Variants in EIF3B observed in about 807,000 individuals in gnomAD.
EIF3B encodes the protein eukaryotic translation initiation factor 3 subunit B.
EIF3B carries 10 observed loss-of-function variants against 104.6 expected under a neutral mutation model. The observed-to-expected ratio is 0.10, with a 90% CI of 0.06 to 0.16. The LOEUF is 0.16. EIF3B is among the 10% of genes least tolerant of loss of function. The pLI, the probability that EIF3B is intolerant of heterozygous loss-of-function variation, is 1.00. For missense variants in EIF3B, 1,014 were observed against 1,087.9 expected, an observed-to-expected ratio of 0.93 and a Z score of 0.96; for synonymous variants, 542 against 417.2, an observed-to-expected ratio of 1.30 and a Z score of -3.65.
chr7:2,365,972 C>T (rs1780003614), intron 6 of EIF3B, among the ~76,000 whole-genome samples: 1 of 152,154 alleles, frequency 6.6e-6, no homozygotes, highest in African/African-American at 2.4e-5. Flanking sequence ...AGGTGTGAGC[C>T]ACTGCGCCCA....
intron 13 of EIF3B, 138 bp downstream of exon 13, chr7:2,374,744 G>A: frequency 1.4e-6 from 1 of 737,098 alleles, no homozygotes; most frequent in Non-Finnish European, 2.2e-6. Flanking sequence ...TCAGTGGATA[G>A]GACTTCATTG....
chr7:2,356,411 C>T (rs560317204), intron 1 of EIF3B, among the ~76,000 whole-genome samples: 5 of 152,050 alleles, frequency 3.3e-5, no homozygotes, highest in East Asian at 1.9e-4. Flanking sequence ...ACCATCCTGG[C>T]TAACACGGTG....
rs746616040 is a variant in EIF3B, at chr7:2,371,757, T to G, written c.1615-20T>G. On this transcript the variant is annotated intron_variant, in intron 10 of 18. Coordinates refer to ENST00000360876, the MANE Select transcript of EIF3B (RefSeq NM_001037283.2). ...TTTCACTGTCCAGAATGTCACCCCT[T>G]CCCCCTTTTTTTTAAACAGGGTGTT... 5.7e-6 allele frequency: 9 copies of G among 1,579,574 alleles called. No individual in the cohort carries two copies. In the African/African-American group the frequency reaches 1.1e-4, roughly 19 times the overall value.
Position 2,369,466 on chromosome 7 carries a change from C to T in EIF3B, c.1404-6C>T, listed in dbSNP as rs777778913. The T allele has an allele frequency of 6.2e-7, 1 of 1,613,990 alleles. No homozygotes were observed. Among genetic ancestry groups the T allele is most frequent in the South Asian group, 1.1e-5 (1 of 91,074 alleles). The stretch of plus-strand genomic sequence containing the variant: ...TGCTTTAACATTTTATTTTCCTGTT[C>T]TGCAGAGACTTTTCTTGGTCTCCTG... On this transcript the variant is annotated splice_region_variant and splice_polypyrimidine_tract_variant and intron_variant, in intron 9 of 18. Transcript: ENST00000360876.
At chr7:2,371,533 G>A (rs1196842370) in intron 10 of EIF3B, among the ~76,000 whole-genome samples, 1 of 152,180 alleles carries the variant, frequency 6.6e-6, no homozygotes, top group Non-Finnish European at 1.5e-5. Context: ...GCTCCTGGAG[G>A]TGGGATCTGG....
At chr7:2,356,892 G>A (rs1323602908) in intron 1 of EIF3B, among the ~76,000 whole-genome samples, 1 of 152,010 alleles carries the variant, frequency 6.6e-6, no homozygotes, top group African/African-American at 2.4e-5. Context: ...ATGAAAAGCA[G>A]GAAGGACACC....
intron 10 of EIF3B, among the ~76,000 whole-genome samples, chr7:2,370,517 G>C (rs531833322): frequency 5.9e-5 from 9 of 152,204 alleles, no homozygotes; most frequent in African/African-American, 2.2e-4. Context: ...CCCTCTAATA[G>C]AAGTATTCTT....
In EIF3B at chr7:2,354,939, C is replaced by A. The variant is rs777361202; in HGVS notation, c.18C>A (p.Asn6Lys). 1.6e-6 allele frequency: 2 copies of A among 1,226,984 alleles called. No homozygotes were observed. The highest frequency in any genetic ancestry group is 2.2e-5 in the South Asian group (1 of 45,914). 76.0% of individuals were successfully genotyped at this position (1,226,984 alleles called of 1,614,324 possible). The change falls in exon 1 of 19, where the codon AAC becomes AAA. Residue 6 changes from asparagine to lysine, a missense_variant. Asn to Lys is a moderately conservative substitution (Grantham distance 94). Transcript: ENST00000360876. MQDAE[N>K]VAVPEAAEER... ...TTGGGCCCATGCAGGACGCGGAGAACGTGGCGGTGCCCGAGGCGGCCGAGG... is the reference window on the plus strand; with the variant it reads ...TTGGGCCCATGCAGGACGCGGAGAAAGTGGCGGTGCCCGAGGCGGCCGAGG...
chr7:2,360,114 A>T (rs1038014751), intron 1 of EIF3B, among the ~76,000 whole-genome samples: 2 of 152,136 alleles, frequency 1.3e-5, no homozygotes, highest in Admixed American at 1.3e-4. Flanking sequence ...GCCTGAAAAC[A>T]TGAAAATCAC....
intron 1 of EIF3B, among the ~76,000 whole-genome samples, chr7:2,356,488 A>G (rs934366504): frequency 1.3e-5 from 2 of 151,790 alleles, no homozygotes; most frequent in Non-Finnish European, 2.9e-5. Context: ...TGGATTTCCC[A>G]GCTACTCTGG....
chr7:2,357,257 G>C (rs980208114), intron 1 of EIF3B, among the ~76,000 whole-genome samples: 18 of 152,206 alleles, frequency 1.2e-4, no homozygotes, highest in African/African-American at 3.9e-4. Context: ...GGTGACGGCT[G>C]TGGGTCCTCA....
At chr7:2,368,811 G>A (rs925595747) in intron 9 of EIF3B, among the ~76,000 whole-genome samples, 2 of 152,192 alleles carry the variant, frequency 1.3e-5, no homozygotes, top group Non-Finnish European at 2.9e-5. Context: ...TCAGTATCAC[G>A]GCAGTGAACT....
intron 10 of EIF3B, 58 bp downstream of exon 10, chr7:2,369,740 C>G: frequency 7.9e-7 from 1 of 1,270,132 alleles, no homozygotes. Flanking sequence ...AAGTGGCCAC[C>G]GTATTGTTTG....
At chr7:2,377,116 C>T (rs761463434) in intron 15 of EIF3B, 41 bp downstream of exon 15, 1 of 1,561,980 alleles carries the variant, frequency 6.4e-7, no homozygotes, top group Non-Finnish European at 8.7e-7. Context: ...CACATGGAGG[C>T]AATTGTGGCG....
chr7:2,364,218 C>A, intron 5 of EIF3B, 154 bp from the exon 6 acceptor site: 2 of 650,408 alleles, frequency 3.1e-6, no homozygotes, highest in Non-Finnish European at 5.1e-6. Context: ...GCTGAGATTG[C>A]GCCACTGCAC....
At chr7:2,376,775 A>G in intron 14 of EIF3B, 175 bp from the exon 15 acceptor site, 1 of 855,542 alleles carries the variant, frequency 1.2e-6, no homozygotes. Flanking sequence ...TCGGTTGCAT[A>G]ATGGAGGTGT....
rs568255515 is a variant in EIF3B at position 2,380,496 on chromosome 7, G to A, written c.*307G>A. 42 of 480,120 alleles carry A rather than the reference G, an allele frequency of 8.7e-5. No individual in the cohort carries two copies. The highest frequency in any genetic ancestry group is 3.7e-4 in the Admixed American group (17 of 46,240). 29.7% of individuals were successfully genotyped at this position (480,120 alleles called of 1,614,324 possible). A position where few individuals can be genotyped will look rare whatever the true frequency, so the allele number is the denominator to read the frequency against. On this transcript the variant is annotated 3_prime_UTR_variant, in exon 19 of 19. Coordinates refer to ENST00000360876, the MANE Select transcript of EIF3B (RefSeq NM_001037283.2). ...GGAGTTTTCTGTTGGAACCGCCGGC[G>A]TTGGCTCCGAAGACTTAGCGACGCC...
Position 2,366,433 on chromosome 7 carries a change from A to G in EIF3B, c.1274A>G (p.His425Arg). 1 of 1,614,004 alleles carries G rather than the reference A, an allele frequency of 6.2e-7. No homozygotes were observed. The highest frequency in any genetic ancestry group is 8.5e-7 in the Non-Finnish European group (1 of 1,180,008). Residue 425 changes from histidine (H) to arginine (R), a missense_variant, in exon 7 of 19, where the codon CAT becomes CGT. This residue lies in a region of EIF3B where 201 missense variants were observed against 240.7 expected (regional missense o/e 0.83). Transcript: ENST00000360876. ...KRGFHCESSA[H>R]WPIFKWSHDG... is the part of the protein sequence containing the mutation. ...GGTTTTCACTGTGAGAGCTCAGCCCATTGGCCTATTTTTAAGTAAGTGGAC... is the reference window on the plus strand; with the variant it reads ...GGTTTTCACTGTGAGAGCTCAGCCCGTTGGCCTATTTTTAAGTAAGTGGAC...
intron 14 of EIF3B, chr7:2,376,673 C>T (rs1183211178): frequency 3.7e-5 from 15 of 404,432 alleles, no homozygotes; most frequent in Non-Finnish European, 6.7e-5. Context: ...AGTTAGCTTA[C>T]ATCCAGCATG....
Sources: gnomAD v4.1 joint callset for allele counts (sites outside exome capture counted in the v4.1 genomes callset) on GRCh38, gnomAD v4.1.1 for gene constraint, gnomAD v4.1.1 regional missense constraint, MANE v1.5 for transcripts, NCBI Gene and HGNC (gene_info 2026-07-23, HGNC 2026-07-21) for gene names.